The following FAM83B variants were observed in gnomAD, a reference collection of about 807,000 sequenced individuals.
The protein encoded by FAM83B is scaffolding CK1 anchoring protein B, also known as protein FAM83B.
FAM83B carries 26 observed loss-of-function variants against 38.8 expected under a neutral mutation model. The observed-to-expected ratio is 0.67, with a 90% CI of 0.49 to 0.93. The LOEUF (loss-of-function observed/expected upper bound fraction) is 0.93. FAM83B is among the 40% of genes least tolerant of loss of function. The pLI is 0.00. For synonymous variants in FAM83B, 419 were observed against 423.1 expected (o/e 0.99, Z 0.12); for missense variants, 1,237 against 1,197.3 (o/e 1.03, Z -0.49).
intron 2 of FAM83B, among the ~76,000 whole-genome samples, chr6:54,895,131 A>G (rs4141552): frequency 0.35 from 53,976 of 152,082 alleles, 10,694 homozygotes; most frequent in East Asian, 0.83. Flanking sequence ...AGTGGTGTTA[A>G]AAGTACTGTA....
chr6:54,883,744 AGTT>A (rs1381504562), intron 2 of FAM83B, among the ~76,000 whole-genome samples: 1 of 151,264 alleles, frequency 6.6e-6, no homozygotes, highest in East Asian at 1.9e-4. Flanking sequence ...TCTATAGCTT[AGTT>A]GTTCACTCTG....
At chr6:54,938,892 T>C (rs1016362432) in intron 4 of FAM83B, among the ~76,000 whole-genome samples, 3 of 152,180 alleles carry the variant, frequency 2.0e-5, no homozygotes, top group Non-Finnish European at 2.9e-5. Flanking sequence ...TTCTCTGTTT[T>C]TGTTGCATTT....
rs1178279922 is a variant in FAM83B, at chr6:54,941,402, G to A, written c.2431G>A (p.Gly811Ser). Residue 811 changes from glycine to serine, a missense_variant, in exon 5 of 5, where the codon GGT (glycine) becomes AGT (serine). Transcript: ENST00000306858. ...TAGCTCTGACACATTAGTTTCTGAGGGTGAAGAAAATCAAAAACCAAAGAA... is the reference window on the plus strand; with the variant it reads ...TAGCTCTGACACATTAGTTTCTGAGAGTGAAGAAAATCAAAAACCAAAGAA... ...CSSSDTLVSE[G>S]EENQKPKKSD... is the part of the protein sequence containing the mutation. The A allele has an allele frequency of 1.9e-6, 3 of 1,612,902 alleles. No individual in the cohort carries two copies. Among genetic ancestry groups the A allele is most frequent in the African/African-American group, 2.7e-5 (2 of 74,776 alleles).
chr6:54,864,182 C>T (rs1771649896), intron 1 of FAM83B, among the ~76,000 whole-genome samples: 1 of 151,898 alleles, frequency 6.6e-6, no homozygotes, highest in Admixed American at 6.6e-5. Context: ...ATCTAAAATT[C>T]CTGTAGTTTA....
chr6:54,926,332 C>T, intron 2 of FAM83B, 39 bp from the exon 3 acceptor site: 2 of 1,369,432 alleles, frequency 1.5e-6, no homozygotes, highest in South Asian at 1.6e-5. Flanking sequence ...CTTTCTCTAT[C>T]AAGGATCTAA....
intron 2 of FAM83B, among the ~76,000 whole-genome samples, chr6:54,896,565 A>G (rs367812579): frequency 6.6e-6 from 1 of 152,338 alleles, no homozygotes; most frequent in East Asian, 1.9e-4. Flanking sequence ...TGACGTCTAA[A>G]AGGAAAACAA....
At position 54,941,328 on chromosome 6, in the gene FAM83B, A is replaced by G; in HGVS notation, c.2357A>G (p.Lys786Arg). 6.2e-7 allele frequency: 1 copy of G among 1,612,670 alleles called. No homozygotes were observed. Among genetic ancestry groups the G allele is most frequent in the Non-Finnish European group, 8.5e-7 (1 of 1,179,704 alleles). Residue 786 changes from lysine (K) to arginine (R), a missense_variant, in exon 5 of 5, where the codon AAA becomes AGA. Lys to Arg is a conservative substitution (Grantham distance 26). Coordinates refer to ENST00000306858, the MANE Select transcript of FAM83B (RefSeq NM_001010872.3). ...RSLLSLTPDK[K>R]ENLSKNKAPA... ...TTACTTAGCCTTACCCCAGATAAGA[A>G]AGAAAATCTATCCAAAAATAAAGCA...
intron 2 of FAM83B, among the ~76,000 whole-genome samples, chr6:54,898,581 TCTCTA>T (rs749071345): frequency 4.5e-4 from 68 of 152,294 alleles, no homozygotes; most frequent in Non-Finnish European, 8.1e-4. Context: ...GAACTCCTTA[TCTCTA>T]CTCTGCTTCC....
chr6:54,929,505 A>G (rs1773377406), intron 4 of FAM83B, among the ~76,000 whole-genome samples: 1 of 152,158 alleles, frequency 6.6e-6, no homozygotes, highest in Admixed American at 6.6e-5. Context: ...TCATAACATG[A>G]TACTAACATT....
At chr6:54,896,180 G>A (rs189440114) in intron 2 of FAM83B, among the ~76,000 whole-genome samples, 4 of 152,180 alleles carry the variant, frequency 2.6e-5, no homozygotes, top group African/African-American at 9.6e-5. Flanking sequence ...GTGAGCCACC[G>A]TGCCTGGCAA....
intron 2 of FAM83B, among the ~76,000 whole-genome samples, chr6:54,904,579 T>A (rs774917859): frequency 1.3e-5 from 2 of 152,164 alleles, no homozygotes; most frequent in Non-Finnish European, 2.9e-5. Context: ...AATAAACATA[T>A]GGATATGGCT....
chr6:54,856,167 G>T (rs113882585), intron 1 of FAM83B, among the ~76,000 whole-genome samples: 1 of 152,150 alleles, frequency 6.6e-6, no homozygotes, highest in Non-Finnish European at 1.5e-5. Flanking sequence ...TTTGAGCTGC[G>T]AAGGAGTGGA....
chr6:54,876,018 CGTCA>C (rs921790621), intron 2 of FAM83B, among the ~76,000 whole-genome samples: 24 of 152,042 alleles, frequency 1.6e-4, no homozygotes, highest in African/African-American at 5.8e-4. Context: ...ACACCAAAGT[CGTCA>C]GTAACTTAGA....
rs1167567530 is a variant in FAM83B, at chr6:54,915,649, A to G, written c.445-10722A>G. On this transcript the variant is annotated intron_variant, in intron 2 of 4. Coordinates refer to ENST00000306858, the MANE Select transcript of FAM83B (RefSeq NM_001010872.3). The stretch of plus-strand genomic sequence containing the variant: ...GTGAAACCCCGTCTCTACTAAAAAT[A>G]CAAAAAATTAGCCGGGCGCGGTGGC... Among the ~76,000 whole-genome samples the G allele has an allele frequency of 2.4e-5, 3 of 126,192 alleles. 1 individual carries two copies. The highest frequency in any genetic ancestry group is 4.8e-5 in the Non-Finnish European group (3 of 62,188). 82.8% of individuals were successfully genotyped at this position (126,192 alleles called of 152,430 possible). A position where few individuals can be genotyped will look rare whatever the true frequency, so the allele number is the denominator to read the frequency against.
In FAM83B at chr6:54,944,623, C is replaced by T. The variant is rs1433133411; in HGVS notation, c.*2616C>T. 2 of 152,096 alleles carry T rather than the reference C, an allele frequency of 1.3e-5. No individual in the cohort carries two copies. Among genetic ancestry groups the T allele is most frequent in the African/African-American group, 2.4e-5 (1 of 41,418 alleles). 9.4% of individuals were successfully genotyped at this position (152,096 alleles called of 1,614,324 possible). On this transcript the variant is annotated 3_prime_UTR_variant, in exon 5 of 5. Coordinates refer to ENST00000306858, the MANE Select transcript of FAM83B (RefSeq NM_001010872.3). Reference sequence around the variant, plus strand: ...GATGTCTAGTGTCACCTAAATAATGCAAAAAGTTTAATTCTGGATGAATTC... The same window carrying T: ...GATGTCTAGTGTCACCTAAATAATGTAAAAAGTTTAATTCTGGATGAATTC...
At chr6:54,934,245 G>T (rs1035586329) in intron 4 of FAM83B, among the ~76,000 whole-genome samples, 1 of 152,116 alleles carries the variant, frequency 6.6e-6, no homozygotes, top group Non-Finnish European at 1.5e-5. Flanking sequence ...ATCTATGATT[G>T]CATCTAAGCT....
chr6:54,918,395 A>G (rs560244095), intron 2 of FAM83B, among the ~76,000 whole-genome samples: 6 of 152,294 alleles, frequency 3.9e-5, no homozygotes, highest in Admixed American at 3.3e-4. Context: ...TCACACTGCT[A>G]TGAAGAAATA....
chr6:54,862,749 C>T (rs931618822), intron 1 of FAM83B, among the ~76,000 whole-genome samples: 2 of 151,722 alleles, frequency 1.3e-5, no homozygotes, highest in Admixed American at 1.3e-4. Flanking sequence ...CCGGGCATGG[C>T]AGTGTGTGCC....
At chr6:54,892,915 T>G (rs1418235026) in intron 2 of FAM83B, among the ~76,000 whole-genome samples, 1 of 151,982 alleles carries the variant, frequency 6.6e-6, no homozygotes, top group South Asian at 2.1e-4. Context: ...TATAAAGGCA[T>G]CATGATTCCC....
Sources: allele counts gnomAD v4.1 joint callset (sites outside exome capture counted in the v4.1 genomes callset), GRCh38; gene constraint gnomAD v4.1.1; transcripts MANE v1.5; gene names NCBI Gene and HGNC (gene_info 2026-07-23, HGNC 2026-07-21).